RUNX3: variants seen among roughly 807,000 people sequenced by gnomAD.
RUNX3 encodes the protein runt-related transcription factor 3.
A neutral mutation model predicts 27.7 loss-of-function variants in RUNX3; 10 were observed. The observed-to-expected ratio is 0.36, with a 90% CI of 0.22 to 0.61. The LOEUF (loss-of-function observed/expected upper bound fraction) is 0.61, where lower values mean the gene tolerates loss of function less well. RUNX3 is among the 20% of genes least tolerant of loss of function. The pLI, the probability that RUNX3 is intolerant of heterozygous loss-of-function variation, is 0.72. For missense variants in RUNX3, 469 were observed against 629.5 expected (o/e 0.75, Z 2.73); for synonymous variants, 270 against 269.2 (o/e 1.00, Z -0.03).
chr1:24,937,871 G>T (rs1367772207), intron 2 of RUNX3, among the ~76,000 whole-genome samples: 2 of 152,210 alleles, frequency 1.3e-5, no homozygotes, highest in African/African-American at 2.4e-5. Context: ...TTCCATGCAG[G>T]TCACTGCCTT....
At chr1:24,921,847 C>T (rs951682589) in intron 2 of RUNX3, among the ~76,000 whole-genome samples, 4 of 152,370 alleles carry the variant, frequency 2.6e-5, no homozygotes, top group African/African-American at 7.2e-5. Context: ...CACAGGGCCC[C>T]GGGCCCACAG....
intron 2 of RUNX3, among the ~76,000 whole-genome samples, chr1:24,952,788 A>C (rs1641799913): frequency 6.6e-6 from 1 of 152,214 alleles, no homozygotes; most frequent in Admixed American, 6.5e-5. Flanking sequence ...CACAAAGGTT[A>C]AGTGGGCACA....
At chr1:24,920,815 G>A (rs971695975) in intron 2 of RUNX3, among the ~76,000 whole-genome samples, 1 of 152,184 alleles carries the variant, frequency 6.6e-6, no homozygotes, top group African/African-American at 2.4e-5. Flanking sequence ...ACTTTCGACA[G>A]TCTTCTCTCT....
chr1:24,925,239 C>T (rs114356209), intron 2 of RUNX3, among the ~76,000 whole-genome samples: 35 of 152,104 alleles, frequency 2.3e-4, no homozygotes, highest in Non-Finnish European at 1.5e-5. Flanking sequence ...TGCATGCCAG[C>T]GGACCCGGCA....
intron 3 of RUNX3, among the ~76,000 whole-genome samples, chr1:24,913,388 T>A (rs1418603455): frequency 6.6e-6 from 1 of 152,224 alleles, no homozygotes; most frequent in African/African-American, 2.4e-5. Context: ...GGTCACTGTC[T>A]TGGGCAAGCC....
chr1:24,962,674 G>A lies in RUNX3; in HGVS notation c.58+1840C>T, dbSNP rs569181649. On this transcript the variant is annotated intron_variant, in intron 2 of 6. Coordinates refer to the RUNX3 transcript ENST00000338888. This position sits in a 1 kb window ranked among gnomAD's most constrained non-coding sequence, Gnocchi z 4.5. The stretch of plus-strand genomic sequence containing the variant: ...CTCCACAGACCCTAGCCTATGAGGC[G>A]CCTTCTGTGCCACTGCTGGCCAGGA... Among the ~76,000 whole-genome samples the A allele has an allele frequency of 4.9e-4, 75 of 152,304 alleles. No individual in the cohort carries two copies. The highest frequency in any genetic ancestry group is 3.4e-3 in the Middle Eastern group (1 of 294).
At position 24,927,933 on chromosome 1, in the gene RUNX3, A is replaced by G. The variant is rs1641131115; in HGVS notation, c.283-203T>C. On this transcript the variant is annotated intron_variant, in intron 1 of 4. Transcript: ENST00000308873. This position sits in a 1 kb window ranked among gnomAD's most constrained non-coding sequence, Gnocchi z 5.0. ...ACGAAAACAAGAAGATGGAATCTCG[A>G]GCTTCCACACCAAAATCCTAGATCA... Among the ~76,000 whole-genome samples the G allele has an allele frequency of 6.6e-6, 1 of 152,228 alleles. No homozygotes were observed. The highest frequency in any genetic ancestry group is 6.5e-5 in the Admixed American group (1 of 15,282).
chr1:24,920,110 T>C (rs778281814), intron 2 of RUNX3, among the ~76,000 whole-genome samples: 44 of 152,280 alleles, frequency 2.9e-4, no homozygotes, highest in Admixed American at 1.5e-3. Flanking sequence ...ATTTCTTCTG[T>C]AGACACAACT....
chr1:24,956,010 C>T (rs1163163617), intron 2 of RUNX3, among the ~76,000 whole-genome samples: 1 of 152,274 alleles, frequency 6.6e-6, no homozygotes, highest in African/African-American at 2.4e-5. Flanking sequence ...CAGATTGGGA[C>T]CACACCTCAG....
At chr1:24,918,591 TCAGTCAG>T (rs1557841720) in intron 3 of RUNX3, among the ~76,000 whole-genome samples, 12 of 150,328 alleles carry the variant, frequency 8.0e-5, no homozygotes, top group African/African-American at 2.2e-4. Context: ...ATTCATTCAG[TCAGTCAG>T]TCAGTCAGTC....
At chr1:24,936,811 G>A (rs1641358697) in intron 2 of RUNX3, among the ~76,000 whole-genome samples, 1 of 152,228 alleles carries the variant, frequency 6.6e-6, no homozygotes, top group Admixed American at 6.5e-5. Context: ...AGAGGCCGAT[G>A]GCTCGGAGGA....
At position 24,904,526 on chromosome 1, in the gene RUNX3, T is replaced by C. The variant is rs1334143634; in HGVS notation, c.704-1860A>G. Reference sequence around the variant, plus strand: ...CGAGGCACCTGGCTGCCAGTTTTCATCTGGGGAGCCCCTCGGGGGGAGAGG... The same window carrying C: ...CGAGGCACCTGGCTGCCAGTTTTCACCTGGGGAGCCCCTCGGGGGGAGAGG... On this transcript the variant is annotated intron_variant, in intron 4 of 4. Coordinates refer to ENST00000308873, the MANE Select transcript of RUNX3 (RefSeq NM_004350.3). This position sits in a 1 kb window ranked among gnomAD's most constrained non-coding sequence, Gnocchi z 5.7. 6.6e-6 allele frequency among the ~76,000 whole-genome samples: 1 copy of C among 152,142 alleles called. No individual in the cohort carries two copies. The highest frequency in any genetic ancestry group is 1.5e-5 in the Non-Finnish European group (1 of 68,002).
At chr1:24,946,157 A>G (rs1246063647) in intron 2 of RUNX3, among the ~76,000 whole-genome samples, 1 of 152,198 alleles carries the variant, frequency 6.6e-6, no homozygotes, top group African/African-American at 2.4e-5. Context: ...AAGGGGAAGA[A>G]CAATCCTGAA....
intron 2 of RUNX3, among the ~76,000 whole-genome samples, chr1:24,955,229 G>A (rs1641885937): frequency 6.6e-6 from 1 of 152,148 alleles, no homozygotes; most frequent in Non-Finnish European, 1.5e-5. Context: ...CATAGAGGAG[G>A]ATATGAATCA....
chr1:24,945,953 C>T (rs184585252), intron 2 of RUNX3, among the ~76,000 whole-genome samples: 256 of 152,254 alleles, frequency 1.7e-3, no homozygotes, highest in African/African-American at 5.8e-3. Flanking sequence ...CTGACTGTGA[C>T]CTCCCTGAGA....
At chr1:24,956,802 C>T (rs1641942097) in intron 2 of RUNX3, among the ~76,000 whole-genome samples, 1 of 152,184 alleles carries the variant, frequency 6.6e-6, no homozygotes, top group Non-Finnish European at 1.5e-5. Flanking sequence ...ATGGACCCCT[C>T]CTTTCCTCCC....
intron 3 of RUNX3, among the ~76,000 whole-genome samples, chr1:24,907,720 A>G (rs763975430): frequency 4.6e-5 from 7 of 151,696 alleles, no homozygotes; most frequent in Non-Finnish European, 7.4e-5. Context: ...ACACGCGGTG[A>G]TCTAAACCTC....
chr1:24,949,213 C>T (rs1052616485), intron 2 of RUNX3, among the ~76,000 whole-genome samples: 4 of 152,018 alleles, frequency 2.6e-5, no homozygotes, highest in African/African-American at 9.7e-5. Flanking sequence ...GAGGGAGGTA[C>T]TGTTATTCTC....
rs1640682486 is a variant in RUNX3 at position 24,907,263 on chromosome 1, G to T, written c.699C>A (p.Ile233=). ...SHFSSQPQTP[I]QGTSELNPFS... ...GCCCCTCCCTCCGTGCCGTACCTTG[G>T]ATTGGGGTCTGGGGCTGGCTGCTGA... Residue 233 remains isoleucine (I), a synonymous_variant, in exon 4 of 5, where the codon ATC becomes ATA. Transcript: ENST00000308873. 1.9e-6 allele frequency: 3 copies of T among 1,610,190 alleles called. No individual in the cohort carries two copies. In the African/African-American group the frequency reaches 4.0e-5, roughly 21 times the overall value.
Sources: gnomAD v4.1 joint callset for allele counts (sites outside exome capture counted in the v4.1 genomes callset) on GRCh38, gnomAD v4.1.1 for gene constraint, Gnocchi (gnomAD v3.1) non-coding constraint, MANE v1.5 for transcripts, NCBI Gene and HGNC (gene_info 2026-07-23, HGNC 2026-07-21) for gene names.